The following DNAJC17 variants were observed in gnomAD, a reference collection of about 807,000 sequenced individuals.
DNAJC17 encodes the protein dnaJ homolog subfamily C member 17.
Under a neutral mutation model 48.1 loss-of-function variants are expected in DNAJC17, and 35 were observed. That is an observed-to-expected ratio of 0.73 (90% CI 0.56 to 0.96). The LOEUF (loss-of-function observed/expected upper bound fraction) is 0.96, where lower values mean the gene tolerates loss of function less well. Ranked by LOEUF, DNAJC17 falls within the 50% of genes least tolerant of loss-of-function variation. The pLI is 0.00. For synonymous variants in DNAJC17, 117 were observed against 142.7 expected, an observed-to-expected ratio of 0.82 and a Z score of 1.28; for missense variants, 355 against 377.1, an observed-to-expected ratio of 0.94 and a Z score of 0.48.
rs75757487 is a variant in DNAJC17, at chr15:40,775,470, C to G, written c.522+83G>C. 9.8e-4 allele frequency: 1,470 copies of G among 1,500,848 alleles called. 17 individuals are homozygous for G. The African/African-American group carries it at 0.018, about 19-fold the overall frequency. The allele number at this position is 1,500,848 out of a possible 1,614,324, so 93.0% of individuals were successfully genotyped here. ...CAGATCCAGCAGCCCCACCAGAAACCCTCGAGCCACAGGAAGCATCTATTC... is the reference window on the plus strand; with the variant it reads ...CAGATCCAGCAGCCCCACCAGAAACGCTCGAGCCACAGGAAGCATCTATTC... On this transcript the variant is annotated intron_variant, in intron 7 of 10. Coordinates refer to ENST00000220496, the MANE Select transcript of DNAJC17 (RefSeq NM_018163.3).
Position 40,772,962 on chromosome 15 carries a change from T to C in DNAJC17, c.792+765A>G, listed in dbSNP as rs1005282529. On this transcript the variant is annotated intron_variant, in intron 10 of 10. Transcript: ENST00000220496. Reference sequence around the variant, plus strand: ...AGCAGGGTAGCCAGAGTTCCTTCTTTTTTTTTTTTTTTTTTTGAGATGAAG... The same window carrying C: ...AGCAGGGTAGCCAGAGTTCCTTCTTCTTTTTTTTTTTTTTTTGAGATGAAG... 8.7e-5 allele frequency among the ~76,000 whole-genome samples: 13 copies of C among 149,364 alleles called. No individual in the cohort carries two copies. The East Asian group carries it at 9.8e-4, about 11-fold the overall frequency.
At chr15:40,776,706 C>A in intron 4 of DNAJC17, 79 bp from the exon 5 acceptor site, 1 of 1,454,662 alleles carries the variant, frequency 6.9e-7, no homozygotes, top group East Asian at 2.3e-5. Flanking sequence ...GCTCTGGCTG[C>A]CTCCCCAAAG....
intron 1 of DNAJC17, among the ~76,000 whole-genome samples, chr15:40,803,151 C>A (rs368889699): frequency 2.9e-5 from 4 of 139,014 alleles, no homozygotes; most frequent in African/African-American, 2.7e-5. Context: ...AGAATAAATA[C>A]AAAAAAAAAA....
chr15:40,776,041 T>C (rs145129539), intron 6 of DNAJC17, among the ~76,000 whole-genome samples, 155 bp downstream of exon 6: 70 of 152,228 alleles, frequency 4.6e-4, no homozygotes, highest in African/African-American at 1.6e-3. Flanking sequence ...GAAGACGGGA[T>C]AAGTGGCATG....
intron 1 of DNAJC17, among the ~76,000 whole-genome samples, chr15:40,788,180 C>T (rs1461513027): frequency 6.6e-6 from 1 of 152,208 alleles, no homozygotes. Flanking sequence ...GATGCCTCCC[C>T]ATCCCCTCAC....
At chr15:40,789,504 T>C (rs1048455671) in intron 1 of DNAJC17, among the ~76,000 whole-genome samples, 1 of 151,934 alleles carries the variant, frequency 6.6e-6, no homozygotes, top group Admixed American at 6.6e-5. Context: ...TAACCACCGC[T>C]ATATTAGGCT....
intron 10 of DNAJC17, chr15:40,771,390 G>A (rs117519388): frequency 0.011 from 3,368 of 295,890 alleles, 29 homozygotes; most frequent in Middle Eastern, 0.041. Context: ...AAGGTGGCAC[G>A]GGGTCAGATC....
chr15:40,775,250 T>A (rs1398237670), intron 7 of DNAJC17, 142 bp from the exon 8 acceptor site: 3 of 956,236 alleles, frequency 3.1e-6, no homozygotes, highest in African/African-American at 1.6e-5. Context: ...ACCAGAAACA[T>A]TTTCCCCTTG....
chr15:40,770,498 G>A lies in DNAJC17; in HGVS notation c.793-2436C>T. The A allele has an allele frequency of 6.5e-7, 1 of 1,548,614 alleles. No homozygotes were observed. Among genetic ancestry groups the A allele is most frequent in the Non-Finnish European group, 8.7e-7 (1 of 1,146,160 alleles). On this transcript the variant is annotated intron_variant, in intron 10 of 10. Transcript: ENST00000220496. This position sits in a 1 kb window ranked among gnomAD's most constrained non-coding sequence, Gnocchi z 5.0. ...GTCTGCTGGCTCCCCTGGGCCCCAT[G>A]GAGACCTGGCGGAAAGGCTCCTTCC... is the stretch of plus-strand genomic sequence containing the variant.
chr15:40,788,732 A>G (rs1889714453), intron 1 of DNAJC17, among the ~76,000 whole-genome samples: 1 of 151,120 alleles, frequency 6.6e-6, no homozygotes, highest in Non-Finnish European at 1.5e-5. Context: ...TAAATGAGCC[A>G]GGCATGGTGG....
At position 40,779,219 on chromosome 15, in the gene DNAJC17, C is replaced by G. The variant is rs1889411162; in HGVS notation, c.295+4G>C. 1 of 1,613,934 alleles carries G rather than the reference C, an allele frequency of 6.2e-7. No homozygotes were observed. On this transcript the variant is annotated splice_donor_region_variant and intron_variant, in intron 4 of 10. Transcript: ENST00000220496. Reference sequence around the variant, plus strand: ...AGGCCACCGAGCACTATGATGGCACCTACCAAGCTTCACTTTCTTCCTTTT... The same window carrying G: ...AGGCCACCGAGCACTATGATGGCACGTACCAAGCTTCACTTTCTTCCTTTT...
intron 1 of DNAJC17, among the ~76,000 whole-genome samples, chr15:40,797,324 C>T (rs1889962594): frequency 6.6e-6 from 1 of 152,104 alleles, no homozygotes; most frequent in African/African-American, 2.4e-5. Context: ...GAGCTGTGAT[C>T]GCACAATTTC....
At chr15:40,772,153 G>A (rs970570690) in intron 10 of DNAJC17, 8 of 167,070 alleles carry the variant, frequency 4.8e-5, no homozygotes, top group Admixed American at 2.6e-4. Flanking sequence ...CAGTTCTGCC[G>A]CCTGAACCCT....
intron 10 of DNAJC17, chr15:40,772,126 C>T (rs1015568162): frequency 6.0e-6 from 1 of 167,008 alleles, no homozygotes; most frequent in South Asian, 2.1e-4. Flanking sequence ...TTTCCAGAAC[C>T]GTCTCCCGGG....
Position 40,767,736 on chromosome 15 carries a change from G to A in DNAJC17, c.*204C>T. 1.4e-6 allele frequency: 1 copy of A among 702,320 alleles called. No homozygotes were observed. Among genetic ancestry groups the A allele is most frequent in the Non-Finnish European group, 2.3e-6 (1 of 439,186 alleles). 43.5% of individuals were successfully genotyped at this position (702,320 alleles called of 1,614,324 possible). ...TGCGCCTGTGCTCTGCTTGTGCACG[G>A]ACTCTGGGACTCTCACCCTGCGGAG... On this transcript the variant is annotated 3_prime_UTR_variant, in exon 11 of 11. Coordinates refer to ENST00000220496, the MANE Select transcript of DNAJC17 (RefSeq NM_018163.3).
rs745975361 is a variant in DNAJC17 at position 40,779,617 on chromosome 15, T to C, written c.149-14A>G. 6.2e-7 allele frequency: 1 copy of C among 1,610,662 alleles called. No homozygotes were observed. Among genetic ancestry groups the C allele is most frequent in the East Asian group, 2.2e-5 (1 of 44,782 alleles). ...GGAAGAGTTCAGCTAAACATAAGGA[T>C]CAAAAAGACAGAAGAAAAATAAAGT... On this transcript the variant is annotated splice_polypyrimidine_tract_variant and intron_variant, in intron 2 of 10. Transcript: ENST00000220496.
At chr15:40,776,802 C>T in intron 4 of DNAJC17, 175 bp from the exon 5 acceptor site, 1 of 630,252 alleles carries the variant, frequency 1.6e-6, no homozygotes, top group Non-Finnish European at 2.8e-6. Context: ...AGAAAAATCA[C>T]AGCACAGAAG....
At chr15:40,775,279 G>A (rs1889287546) in intron 7 of DNAJC17, 171 bp from the exon 8 acceptor site, 3 of 781,006 alleles carry the variant, frequency 3.8e-6, no homozygotes, top group Non-Finnish European at 6.3e-6. Flanking sequence ...AAGGCAGGAT[G>A]GCCTGCTCAC....
intron 4 of DNAJC17, among the ~76,000 whole-genome samples, chr15:40,778,530 C>T (rs1226937160): frequency 1.3e-5 from 2 of 151,638 alleles, no homozygotes; most frequent in Admixed American, 6.5e-5. Flanking sequence ...GGATTACAGG[C>T]GTGAGCCACC....
Sources: allele counts gnomAD v4.1 joint callset (sites outside exome capture counted in the v4.1 genomes callset), GRCh38; gene constraint gnomAD v4.1.1; non-coding constraint Gnocchi (gnomAD v3.1); transcripts MANE v1.5; gene names NCBI Gene and HGNC (gene_info 2026-07-23, HGNC 2026-07-21).